Variants in TXNDC11 observed in about 807,000 individuals in gnomAD.
TXNDC11 encodes the protein thioredoxin domain containing 11.
A neutral mutation model predicts 78.0 loss-of-function variants in TXNDC11; 68 were observed. The observed-to-expected ratio is 0.87, with a 90% CI of 0.72 to 1.07. The LOEUF is 1.07. Ranked by LOEUF, TXNDC11 falls within the 50% of genes least tolerant of loss-of-function variation. The pLI, the probability that TXNDC11 is intolerant of heterozygous loss-of-function variation, is 0.00. For missense variants in TXNDC11, 1,389 were observed against 1,221.8 expected (o/e 1.14, Z -2.04); for synonymous variants, 571 against 495.2 (o/e 1.15, Z -2.03).
At chr16:11,695,814 C>T (rs1051799085) in intron 7 of TXNDC11, among the ~76,000 whole-genome samples, 3 of 152,130 alleles carry the variant, frequency 2.0e-5, no homozygotes, top group African/African-American at 2.4e-5. Flanking sequence ...AGACCGATCG[C>T]TTGAGCCCAG....
At chr16:11,726,824 G>C (rs1017309934) in intron 4 of TXNDC11, among the ~76,000 whole-genome samples, 1 of 152,098 alleles carries the variant, frequency 6.6e-6, no homozygotes, top group African/African-American at 2.4e-5. Context: ...GGAGGCTAAG[G>C]TGGGCTGATC....
chr16:11,696,865 A>G (rs2050873358), intron 7 of TXNDC11, among the ~76,000 whole-genome samples: 1 of 152,146 alleles, frequency 6.6e-6, no homozygotes, highest in South Asian at 2.1e-4. Flanking sequence ...TCCTGCCACA[A>G]AATACAACCC....
Position 11,730,691 on chromosome 16 carries a change from T to C in TXNDC11, c.653A>G (p.Tyr218Cys). The C allele has an allele frequency of 6.2e-7, 1 of 1,613,812 alleles. No individual in the cohort carries two copies. ...TAGTAATTCTGATTGAGATGGGATG[T>C]AGAGAAGTGGTTTCATCACCCGGCG... ...FVRRVMKPLL[Y>C]IPSQSELLDF... The change falls in exon 4 of 12, where the codon TAC becomes TGC. Residue 218 changes from tyrosine to cysteine, a missense_variant. Transcript: ENST00000283033.
Position 11,734,007 on chromosome 16 carries a change from G to C in TXNDC11, c.544C>G (p.Pro182Ala). The C allele has an allele frequency of 6.2e-7, 1 of 1,606,534 alleles. No homozygotes were observed. Among genetic ancestry groups the C allele is most frequent in the Non-Finnish European group, 8.5e-7 (1 of 1,178,176 alleles). Residue 182 changes from proline to alanine, a missense_variant, in exon 3 of 12, where the codon CCT becomes GCT. Coordinates refer to ENST00000283033, the MANE Select transcript of TXNDC11 (RefSeq NM_015914.7). Reference sequence around the variant, plus strand: ...CTCCGATGATACAGATATATTACAGGAAAATAAAAGAAGTGTTTCTGTTTT... The same window carrying C: ...CTCCGATGATACAGATATATTACAGCAAAATAAAAGAAGTGTTTCTGTTTT... Reference protein sequence around the residue: ...CRKQKHFFYFPVIYLYHRSFG... With the variant: ...CRKQKHFFYFAVIYLYHRSFG...
chr16:11,719,244 C>T (rs2051632866), intron 5 of TXNDC11, among the ~76,000 whole-genome samples: 1 of 152,188 alleles, frequency 6.6e-6, no homozygotes, highest in Non-Finnish European at 1.5e-5. Context: ...ATATAGTCTT[C>T]ATTAAGGTCT....
At chr16:11,712,516 A>C (rs2051392574) in intron 5 of TXNDC11, among the ~76,000 whole-genome samples, 2 of 152,198 alleles carry the variant, frequency 1.3e-5, no homozygotes, top group African/African-American at 4.8e-5. Flanking sequence ...GCAGGAAATG[A>C]GATACATTCA....
chr16:11,685,281 G>T (rs1407486377), intron 10 of TXNDC11, among the ~76,000 whole-genome samples: 1 of 152,142 alleles, frequency 6.6e-6, no homozygotes, highest in Non-Finnish European at 1.5e-5. Flanking sequence ...AACCTGGGAG[G>T]TTGGGGCTGC....
In TXNDC11 at chr16:11,688,373, T is replaced by C. The variant is rs1400445232; in HGVS notation, c.1973A>G (p.Gln658Arg). The change falls in exon 9 of 12, where the codon CAG becomes CGG. Residue 658 changes from glutamine (Q) to arginine (R), a missense_variant. Coordinates refer to ENST00000283033, the MANE Select transcript of TXNDC11 (RefSeq NM_015914.7). ...AGTGATTAAATGCTGAGACGGGAAC[T>C]GGGCAGAGCCACTTCCAATGAGATG... Reference protein sequence around the residue: ...KRHLIGSGSAQFPSQHLITEV... With the variant: ...KRHLIGSGSARFPSQHLITEV... The C allele has an allele frequency of 6.2e-6, 10 of 1,614,046 alleles. No individual in the cohort carries two copies. Among genetic ancestry groups the C allele is most frequent in the Non-Finnish European group, 8.5e-6 (10 of 1,180,018 alleles).
chr16:11,706,822 T>A (rs2051194382), intron 5 of TXNDC11, among the ~76,000 whole-genome samples: 1 of 152,200 alleles, frequency 6.6e-6, no homozygotes, highest in Admixed American at 6.5e-5. Flanking sequence ...GCTTTTTGGT[T>A]TTGGACAACG....
chr16:11,687,656 G>T (rs1338005658), intron 10 of TXNDC11, among the ~76,000 whole-genome samples: 1 of 152,204 alleles, frequency 6.6e-6, no homozygotes, highest in Non-Finnish European at 1.5e-5. Flanking sequence ...CAACATCATG[G>T]AAGGAACACT....
In TXNDC11 at chr16:11,692,016, G is replaced by C. The variant is rs200371721; in HGVS notation, c.1174C>G (p.His392Asp). Residue 392 changes from histidine to aspartate, a missense_variant, in exon 8 of 12, where the codon CAC becomes GAC. His to Asp is a moderately conservative substitution (Grantham distance 81). Coordinates refer to ENST00000283033, the MANE Select transcript of TXNDC11 (RefSeq NM_015914.7). ...GDQVVERLLQ[H>D]LRRVDAPVLE... Reference sequence around the variant, plus strand: ...ACTGGAGCATCCACCCGCCGCAGGTGCTGAAGGAGACGCTCCACCACCTGG... The same window carrying C: ...ACTGGAGCATCCACCCGCCGCAGGTCCTGAAGGAGACGCTCCACCACCTGG... The C allele has an allele frequency of 5.7e-6, 9 of 1,565,678 alleles. No homozygotes were observed. The highest frequency in any genetic ancestry group is 5.5e-5 in the Admixed American group (3 of 54,520).
At chr16:11,718,499 T>A (rs925613541) in intron 5 of TXNDC11, among the ~76,000 whole-genome samples, 3 of 152,140 alleles carry the variant, frequency 2.0e-5, no homozygotes, top group South Asian at 4.1e-4. Context: ...CTTTTTTTTT[T>A]AAATGTGCAT....
At chr16:11,708,064 A>G (rs1051043964) in intron 5 of TXNDC11, among the ~76,000 whole-genome samples, 13 of 152,226 alleles carry the variant, frequency 8.5e-5, no homozygotes, top group Non-Finnish European at 1.0e-4. Flanking sequence ...AGCCTGGACA[A>G]CAATATGAGA....
At chr16:11,716,751 G>A (rs1488041246) in intron 5 of TXNDC11, among the ~76,000 whole-genome samples, 3 of 152,070 alleles carry the variant, frequency 2.0e-5, no homozygotes, top group Non-Finnish European at 4.4e-5. Context: ...CCAAAGGCAC[G>A]GATGGACATA....
chr16:11,698,438 G>A (rs181627033), intron 6 of TXNDC11, 113 bp from the exon 7 acceptor site: 9,832 of 873,628 alleles, frequency 0.011, 92 homozygotes, highest in Non-Finnish European at 0.013. Context: ...CCCAGGCGTG[G>A]AGCGGGGCCT....
At chr16:11,701,982 C>T (rs943875520) in intron 5 of TXNDC11, among the ~76,000 whole-genome samples, 3 of 150,916 alleles carry the variant, frequency 2.0e-5, no homozygotes, top group African/African-American at 7.3e-5. Context: ...GGACTATACA[C>T]CACAAACAGA....
At chr16:11,685,016 G>A (rs1352687677) in intron 10 of TXNDC11, among the ~76,000 whole-genome samples, 1 of 152,216 alleles carries the variant, frequency 6.6e-6, no homozygotes, top group Non-Finnish European at 1.5e-5. Flanking sequence ...GGGGAGTGAG[G>A]GTGCGGTAAG....
intron 7 of TXNDC11, among the ~76,000 whole-genome samples, chr16:11,694,351 G>A (rs1318122733): frequency 6.6e-6 from 1 of 152,026 alleles, no homozygotes; most frequent in East Asian, 1.9e-4. Flanking sequence ...TGTTGGCCAG[G>A]CTGGTCTCGA....
chr16:11,684,676 A>C (rs1479120495), intron 10 of TXNDC11, among the ~76,000 whole-genome samples: 1 of 151,016 alleles, frequency 6.6e-6, no homozygotes, highest in Admixed American at 6.6e-5. Flanking sequence ...GAGACCAAAA[A>C]CAGCCTATTT....
Sources: allele counts gnomAD v4.1 joint callset (sites outside exome capture counted in the v4.1 genomes callset), GRCh38; gene constraint gnomAD v4.1.1; transcripts MANE v1.5; gene names NCBI Gene and HGNC (gene_info 2026-07-23, HGNC 2026-07-21).